ACIN1: variants seen among roughly 807,000 people sequenced by gnomAD.
ACIN1 encodes the protein apoptotic chromatin condensation inducer 1.
A neutral mutation model predicts 146.6 loss-of-function variants in ACIN1; 16 were observed. The ratio of observed to expected loss-of-function variants is 0.11; its 90% confidence interval spans 0.07 to 0.17. The LOEUF (loss-of-function observed/expected upper bound fraction) is 0.17, where lower values mean the gene tolerates loss of function less well. Ranked by LOEUF, ACIN1 falls within the 10% of genes least tolerant of loss-of-function variation. The probability of loss-of-function intolerance (pLI) is 1.00; values close to 1 mark genes in which losing one functional copy is unlikely to be tolerated. For missense variants in ACIN1, 1,357 were observed against 1,609.3 expected, an observed-to-expected ratio of 0.84 and a Z score of 2.68; for synonymous variants, 569 against 582.7, an observed-to-expected ratio of 0.98 and a Z score of 0.34.
At position 23,080,781 on chromosome 14, in the gene ACIN1, C is replaced by T. The variant is rs2140164487; in HGVS notation, c.554G>A (p.Ser185Asn). Reference sequence around the variant, plus strand: ...ATCCTCTTCCTCCTCAGCAGGTTGGCTGCCCTCAGACAGTTTAGCTGCTCT... The same window carrying T: ...ATCCTCTTCCTCCTCAGCAGGTTGGTTGCCCTCAGACAGTTTAGCTGCTCT... ...QARAAKLSEG[S>N]QPAEEEEDQE... The change falls in exon 6 of 19, where the codon AGC becomes AAC. Residue 185 changes from serine to asparagine, a missense_variant. By Grantham distance (46) the Ser-to-Asn change is conservative (BLOSUM62 1). Around this residue, in one of 4 missense-constraint regions of ACIN1, gnomAD observed 771 missense variants for 746.6 expected, o/e 1.03. Transcript: ENST00000605057. The T allele has an allele frequency of 6.2e-7, 1 of 1,610,244 alleles. No individual in the cohort carries two copies. Among genetic ancestry groups the T allele is most frequent in the Non-Finnish European group, 8.5e-7 (1 of 1,177,566 alleles).
Position 23,067,641 on chromosome 14 carries a change from T to C in ACIN1, c.2266-1633A>G. 8 of 985,912 alleles carry C rather than the reference T, an allele frequency of 8.1e-6. No individual in the cohort carries two copies. The highest frequency in any genetic ancestry group is 9.6e-6 in the Non-Finnish European group (8 of 829,962). 61.1% of individuals were successfully genotyped at this position (985,912 alleles called of 1,614,324 possible). On this transcript the variant is annotated intron_variant, in intron 9 of 18. Coordinates refer to ENST00000605057, the MANE Select transcript of ACIN1 (RefSeq NM_001386863.1). The surrounding 1 kb of genome is among the most constrained non-coding windows in gnomAD (Gnocchi z 4.6). ...GTCCTGGCCCTGAAGGGACATCATCTTGCAGTCCCTGATGAGATGGCCTGT... is the reference window on the plus strand; with the variant it reads ...GTCCTGGCCCTGAAGGGACATCATCCTGCAGTCCCTGATGAGATGGCCTGT...
intron 8 of ACIN1, among the ~76,000 whole-genome samples, chr14:23,074,029 G>A (rs1272007638): frequency 4.6e-5 from 7 of 151,470 alleles, no homozygotes; most frequent in African/African-American, 1.5e-4. Context: ...TAGTAGAAAC[G>A]GGGTTTCACT....
chr14:23,071,646 G>A (rs1349235470), intron 8 of ACIN1: 3 of 1,328,148 alleles, frequency 2.3e-6, no homozygotes, highest in East Asian at 5.1e-5. Context: ...GGAGCTGAGT[G>A]AGCAAGGTTC....
intron 8 of ACIN1, 35 bp from the exon 9 acceptor site, chr14:23,069,652 G>GGGGGGGGGCC: frequency 1.7e-6 from 1 of 577,972 alleles, no homozygotes; most frequent in Non-Finnish European, 3.3e-6. Context: ...GGGGGGGCGG[G>GGGGGGGGGCC]CAGAAAAGAA....
chr14:23,082,461 T>TC (rs1555374130), intron 4 of ACIN1, among the ~76,000 whole-genome samples: 21 of 148,128 alleles, frequency 1.4e-4, no homozygotes, highest in Admixed American at 1.3e-3. Context: ...TTTTTTTTTT[T>TC]CTGAGATGGA....
intron 8 of ACIN1, 31 bp from the exon 9 acceptor site, chr14:23,069,648 G>GGGGGGGGGGC: frequency 6.8e-6 from 4 of 589,354 alleles, no homozygotes; most frequent in Non-Finnish European, 1.3e-5. Flanking sequence ...TGGTGGGGGG[G>GGGGGGGGGGC]CGGGCAGAAA....
At chr14:23,094,835 C>A (rs962542836) in intron 1 of ACIN1, 140 bp downstream of exon 1, 2 of 1,269,200 alleles carry the variant, frequency 1.6e-6, no homozygotes, top group South Asian at 1.5e-5. Context: ...CATCAACCAC[C>A]GTGCGCGCGG....
intron 4 of ACIN1, among the ~76,000 whole-genome samples, chr14:23,082,694 C>T (rs1049474780): frequency 2.0e-5 from 3 of 152,010 alleles, no homozygotes; most frequent in Non-Finnish European, 4.4e-5. Context: ...ATCTGCCCGC[C>T]TTGGCCTCCC....
intron 8 of ACIN1, among the ~76,000 whole-genome samples, chr14:23,070,051 C>T (rs781288196): frequency 4.3e-4 from 66 of 152,056 alleles, no homozygotes; most frequent in Non-Finnish European, 7.2e-4. Context: ...GCACGAGAAA[C>T]GAAGGGAAGC....
chr14:23,076,338 T>A (rs1258629806), intron 8 of ACIN1: 1 of 152,176 alleles, frequency 6.6e-6, no homozygotes, highest in East Asian at 1.9e-4. Flanking sequence ...TATACACTAC[T>A]CCACTGAAGC....
intron 1 of ACIN1, 30 bp from the exon 2 acceptor site, chr14:23,093,574 T>C (rs1344751657): frequency 1.3e-6 from 2 of 1,597,908 alleles, no homozygotes; most frequent in African/African-American, 1.3e-5. Flanking sequence ...AAGTCAGAAA[T>C]GATGAGGAAA....
Position 23,080,742 on chromosome 14 carries a change from G to C in ACIN1, c.593C>G (p.Ser198Cys), listed in dbSNP as rs777451840. The stretch of plus-strand genomic sequence containing the variant: ...ATCTGCTCTGACCCTTAGGTTTCTG[G>C]AAGGTGTTTCTTGATCCTCTTCCTC... ...AEEEEDQETP[S>C]RNLRVRADRN... The change falls in exon 6 of 19, where the codon TCC becomes TGC. Residue 198 changes from serine to cysteine, a missense_variant. Around this residue, in one of 4 missense-constraint regions of ACIN1, gnomAD observed 771 missense variants for 746.6 expected, o/e 1.03. Coordinates refer to ENST00000605057, the MANE Select transcript of ACIN1 (RefSeq NM_001386863.1). 10 of 1,613,670 alleles carry C rather than the reference G, an allele frequency of 6.2e-6. No individual in the cohort carries two copies. The South Asian group carries it at 1.1e-4, about 18-fold the overall frequency.
intron 5 of ACIN1, 61 bp downstream of exon 5, chr14:23,081,684 TGAA>T (rs1379010025): frequency 1.5e-5 from 21 of 1,391,112 alleles, no homozygotes; most frequent in Non-Finnish European, 1.9e-5. Flanking sequence ...AAAACAAGTC[TGAA>T]GAAGAGAAGA....
Position 23,061,383 on chromosome 14 carries a change from T to C in ACIN1, c.3339A>G (p.Arg1113=), listed in dbSNP as rs2139992969. ...ACCTTGATCGGGAACGGGGCCCTTC[T>C]CGAACTTTGTCCCGATCCCATTCAC... ...SEREWDRDKV[R]EGPRSRSRSR... Residue 1113 remains arginine, a synonymous_variant, in exon 17 of 19, where the codon CGA becomes CGG. Coordinates refer to ENST00000605057, the MANE Select transcript of ACIN1 (RefSeq NM_001386863.1). 6.2e-7 allele frequency: 1 copy of C among 1,614,124 alleles called. No individual in the cohort carries two copies. Among genetic ancestry groups the C allele is most frequent in the Non-Finnish European group, 8.5e-7 (1 of 1,180,010 alleles).
At chr14:23,071,498 T>G in intron 8 of ACIN1, 1 of 1,551,676 alleles carries the variant, frequency 6.4e-7, no homozygotes, top group Non-Finnish European at 8.7e-7. Context: ...TGGTAGTGGC[T>G]GGCTCTATTG....
At position 23,064,123 on chromosome 14, in the gene ACIN1, T is replaced by C. The variant is rs1176770514; in HGVS notation, c.2577A>G (p.Ile859Met). Residue 859 changes from isoleucine to methionine, a missense_variant, in exon 12 of 19, where the codon ATA becomes ATG. Ile to Met is a conservative substitution (Grantham distance 10). Around this residue, in one of 4 missense-constraint regions of ACIN1, gnomAD observed 509 missense variants for 719.6 expected, o/e 0.71. Transcript: ENST00000605057. ...DDGTHDKGLK[I>M]CRTVTQVVPA... ...GCCTTACCTGAGTGACTGTCCGGCA[T>C]ATTTTCAGCCCCTTGTCATGGGTCC... 1.9e-6 allele frequency: 3 copies of C among 1,614,054 alleles called. No homozygotes were observed. The highest frequency in any genetic ancestry group is 1.3e-5 in the African/African-American group (1 of 74,932).
At chr14:23,072,588 T>C (rs929134691) in intron 8 of ACIN1, among the ~76,000 whole-genome samples, 3 of 152,192 alleles carry the variant, frequency 2.0e-5, no homozygotes, top group Non-Finnish European at 2.9e-5. Context: ...AAATGCTTAT[T>C]TGTTGACTGC....
At chr14:23,090,466 T>C (rs2048202244) in intron 3 of ACIN1, 56 bp downstream of exon 3, 25 of 1,471,728 alleles carry the variant, frequency 1.7e-5, no homozygotes, top group Non-Finnish European at 2.4e-5. Flanking sequence ...CCTATCTACT[T>C]GGTGACAGGG....
At position 23,058,698 on chromosome 14, in the gene ACIN1, C is replaced by T; in HGVS notation, c.*450G>A. On this transcript the variant is annotated 3_prime_UTR_variant, in exon 19 of 19. Coordinates refer to ENST00000605057, the MANE Select transcript of ACIN1 (RefSeq NM_001386863.1). ...ACCTGTGGGAAAGAGGCAAGGGCTG[C>T]AGGACAGAAGAGACTGGGAACTGCA... 1 of 176,168 alleles carries T rather than the reference C, an allele frequency of 5.7e-6. No individual in the cohort carries two copies. Among genetic ancestry groups the T allele is most frequent in the Non-Finnish European group, 1.2e-5 (1 of 83,026 alleles). 10.9% of individuals were successfully genotyped at this position (176,168 alleles called of 1,614,324 possible).
Sources: gnomAD v4.1 joint callset for allele counts (sites outside exome capture counted in the v4.1 genomes callset) on GRCh38, gnomAD v4.1.1 for gene constraint, gnomAD v4.1.1 regional missense constraint, Gnocchi (gnomAD v3.1) non-coding constraint, MANE v1.5 for transcripts, NCBI Gene and HGNC (gene_info 2026-07-23, HGNC 2026-07-21) for gene names.